DACH2: variants seen among roughly 807,000 people sequenced by gnomAD.
The protein encoded by DACH2 is dachshund homolog 2.
Under a neutral mutation model 35.8 loss-of-function variants are expected in DACH2, and 17 were observed. The observed-to-expected ratio is 0.48, with a 90% CI of 0.33 to 0.71. The LOEUF (loss-of-function observed/expected upper bound fraction) is 0.71. DACH2 is among the 30% of genes least tolerant of loss of function. The pLI is 0.02. For missense variants in DACH2, 469 were observed against 472.7 expected (o/e 0.99, Z 0.07); for synonymous variants, 195 against 177.3 (o/e 1.10, Z -0.79).
intron 1 of DACH2, among the ~76,000 whole-genome samples, chrX:86,293,307 G>C (rs1023350271): frequency 2.8e-5 from 3 of 108,817 alleles, no homozygotes; most frequent in African/African-American, 1.0e-4. Flanking sequence ...CTTTTATTTT[G>C]AGCCTATGTG....
chrX:86,670,329 G>A (rs1261857297), intron 4 of DACH2, among the ~76,000 whole-genome samples: 1 of 111,525 alleles, frequency 9.0e-6, no homozygotes, highest in Non-Finnish European at 1.9e-5. Flanking sequence ...TATGCTGAGA[G>A]TTATGTGGAT....
At chrX:86,473,903 A>G (rs954553133) in intron 2 of DACH2, among the ~76,000 whole-genome samples, 3 of 111,643 alleles carry the variant, frequency 2.7e-5, no homozygotes, top group Non-Finnish European at 5.7e-5. Flanking sequence ...ATTATGGAAT[A>G]CAGTAGCTCT....
chrX:86,702,278 G>C, intron 5 of DACH2, among the ~76,000 whole-genome samples: 1 of 111,045 alleles, frequency 9.0e-6, no homozygotes, highest in Non-Finnish European at 1.9e-5. Flanking sequence ...AAGAAAAATA[G>C]TGTCAAGAGG....
At chrX:86,465,760 A>G (rs2037655351) in intron 2 of DACH2, among the ~76,000 whole-genome samples, 1 of 112,144 alleles carries the variant, frequency 8.9e-6, no homozygotes, top group African/African-American at 3.2e-5. Context: ...ATAGTAGATT[A>G]CAAATATGGA....
chrX:86,410,497 C>T (rs1055359645), intron 2 of DACH2, among the ~76,000 whole-genome samples: 4 of 111,546 alleles, frequency 3.6e-5, no homozygotes, highest in Non-Finnish European at 5.6e-5. Flanking sequence ...GAACTAACTA[C>T]GTGATTTTCC....
chrX:86,148,752 T>C lies in DACH2; in HGVS notation c.132T>C (p.Asn44=), dbSNP rs1199071074. The change falls in exon 1 of 12, where the codon AAT becomes AAC. Residue 44 remains asparagine (N), a synonymous_variant. Coordinates refer to ENST00000373125, the MANE Select transcript of DACH2 (RefSeq NM_053281.3). ...CTCGTCTTACTCCTAATATGATCAA[T>C]AGTTTCGTGGTTAATAACCACAGCA... ...EPPRLTPNMI[N]SFVVNNHSNS... is the part of the protein sequence containing the mutation. The C allele has an allele frequency of 5.1e-5, 62 of 1,208,719 alleles. No homozygotes were observed. The highest frequency in any genetic ancestry group is 6.5e-5 in the Non-Finnish European group (58 of 894,996).
At chrX:86,451,978 C>T (rs1316369398) in intron 2 of DACH2, among the ~76,000 whole-genome samples, 3 of 111,030 alleles carry the variant, frequency 2.7e-5, no homozygotes, top group Admixed American at 9.6e-5. Context: ...ATAGATGGCT[C>T]TTATTATTTT....
chrX:86,393,911 G>T (rs1249724118), intron 2 of DACH2, among the ~76,000 whole-genome samples: 1 of 109,019 alleles, frequency 9.2e-6, no homozygotes, highest in Non-Finnish European at 1.9e-5. Flanking sequence ...GTTGGACATA[G>T]AATTAACACT....
chrX:86,718,690 G>A (rs776398078), intron 6 of DACH2, among the ~76,000 whole-genome samples: 44 of 111,726 alleles, frequency 3.9e-4, no homozygotes, highest in Admixed American at 6.7e-4. Flanking sequence ...TCATTCTTCT[G>A]TGTATGGCAA....
At chrX:86,267,274 T>TTGA (rs35419621) in intron 1 of DACH2, among the ~76,000 whole-genome samples, 12,334 of 111,658 alleles carry the variant, frequency 0.11, 1,651 homozygotes, top group African/African-American at 0.38. Flanking sequence ...AGCTCCTATA[T>TTGA]TGAGACAAAT....
At chrX:86,347,370 C>A (rs2035514604) in intron 1 of DACH2, among the ~76,000 whole-genome samples, 1 of 107,406 alleles carries the variant, frequency 9.3e-6, no homozygotes, top group Admixed American at 1.0e-4. Flanking sequence ...ATTCCTCTCC[C>A]CTCAGCACAT....
At chrX:86,636,047 A>T (rs2040261634) in intron 3 of DACH2, among the ~76,000 whole-genome samples, 1 of 112,165 alleles carries the variant, frequency 8.9e-6, no homozygotes, top group Non-Finnish European at 1.9e-5. Context: ...ATTCATATGG[A>T]GCCAAAATGA....
At chrX:86,244,373 C>G (rs2033234441) in intron 1 of DACH2, among the ~76,000 whole-genome samples, 2 of 111,946 alleles carry the variant, frequency 1.8e-5, no homozygotes, top group Admixed American at 1.9e-4. Context: ...AGGGATGGTG[C>G]AAGGAAAATT....
chrX:86,496,553 G>C (rs1011315733), intron 2 of DACH2, among the ~76,000 whole-genome samples: 1 of 109,962 alleles, frequency 9.1e-6, no homozygotes, highest in African/African-American at 3.3e-5. Context: ...TTTTTCTTAG[G>C]TTCTTTCAAT....
At chrX:86,295,241 C>T (rs1349340929) in intron 1 of DACH2, among the ~76,000 whole-genome samples, 2 of 112,305 alleles carry the variant, frequency 1.8e-5, no homozygotes, top group Non-Finnish European at 1.9e-5. Context: ...ACCCCTTGTG[C>T]TTCCCAAGTG....
intron 2 of DACH2, among the ~76,000 whole-genome samples, chrX:86,486,969 C>A (rs764569433): frequency 8.9e-6 from 1 of 111,861 alleles, no homozygotes; most frequent in Non-Finnish European, 1.9e-5. Context: ...CAAAGCTATT[C>A]CTTAACCAAA....
chrX:86,777,226 T>A (rs2042043974), intron 7 of DACH2, among the ~76,000 whole-genome samples: 1 of 62,499 alleles, frequency 1.6e-5, no homozygotes, highest in Non-Finnish European at 3.2e-5. Context: ...TGTTCCTATT[T>A]CTCACATCCT....
At chrX:86,213,575 G>A (rs2032497878) in intron 1 of DACH2, among the ~76,000 whole-genome samples, 1 of 110,614 alleles carries the variant, frequency 9.0e-6, no homozygotes, top group Non-Finnish European at 1.9e-5. Context: ...TTCCTTCCTT[G>A]CCTTCTGTGA....
intron 7 of DACH2, among the ~76,000 whole-genome samples, chrX:86,757,747 G>A (rs894696529): frequency 1.8e-5 from 2 of 111,820 alleles, no homozygotes; most frequent in African/African-American, 6.5e-5. Context: ...CTCCAGCCAC[G>A]TAGGACGTGC....
Sources: allele counts gnomAD v4.1 joint callset (sites outside exome capture counted in the v4.1 genomes callset), GRCh38; gene constraint gnomAD v4.1.1; transcripts MANE v1.5; gene names NCBI Gene and HGNC (gene_info 2026-07-23, HGNC 2026-07-21).